The following MBP variants were observed in gnomAD, a reference collection of about 807,000 sequenced individuals.
MBP encodes myelin basic protein, also known as Golli-MBP.
Under a neutral mutation model 35.8 loss-of-function variants are expected in MBP, and 16 were observed. That is an observed-to-expected ratio of 0.45 (90% confidence interval 0.30 to 0.68). The LOEUF (loss-of-function observed/expected upper bound fraction) is 0.68. Among genes scored for constraint, MBP ranks in the 30% least tolerant of loss-of-function variants. The pLI, the probability that MBP is intolerant of heterozygous loss-of-function variation, is 0.08. For missense variants in MBP, 380 were observed against 404.7 expected (o/e 0.94, Z 0.52); for synonymous variants, 143 against 159.6 (o/e 0.90, Z 0.78).
At chr18:77,030,091 A>G (rs1972485311) in intron 3 of MBP, among the ~76,000 whole-genome samples, 1 of 152,156 alleles carries the variant, frequency 6.6e-6, no homozygotes, top group Non-Finnish European at 1.5e-5. Flanking sequence ...ATTAAAATAC[A>G]AGCAACTGGA....
chr18:77,074,336 G>C (rs1437940108), intron 2 of MBP, among the ~76,000 whole-genome samples: 3 of 151,328 alleles, frequency 2.0e-5, no homozygotes, highest in Non-Finnish European at 4.4e-5. Context: ...GGTTCAGTGA[G>C]CCCGGGTCTC....
At chr18:77,003,935 C>T (rs1038664950) in intron 4 of MBP, 8 of 152,230 alleles carry the variant, frequency 5.3e-5, no homozygotes, top group Admixed American at 2.6e-4. Context: ...TGGGAAACAG[C>T]AGACCCCCTG....
At chr18:76,990,933 A>G in intron 4 of MBP, 1 of 291,140 alleles carries the variant, frequency 3.4e-6, no homozygotes, top group Non-Finnish European at 7.1e-6. Context: ...GAACAAGCAA[A>G]TAGAGGGGAA....
At chr18:77,077,991 C>T (rs1375848401) in intron 2 of MBP, among the ~76,000 whole-genome samples, 2 of 152,218 alleles carry the variant, frequency 1.3e-5, no homozygotes, top group African/African-American at 4.8e-5. Context: ...AGCTGCACCC[C>T]CCTGCCCCGG....
intron 1 of MBP, among the ~76,000 whole-genome samples, chr18:77,130,041 T>C (rs1205084549): frequency 8.8e-6 from 1 of 113,500 alleles, no homozygotes; most frequent in Admixed American, 9.5e-5. Context: ...AGAGCAAGAC[T>C]CTGTCAAAAA....
intron 4 of MBP, among the ~76,000 whole-genome samples, chr18:77,007,864 T>G (rs543724669): frequency 6.6e-6 from 1 of 152,196 alleles, no homozygotes; most frequent in Non-Finnish European, 1.5e-5. Flanking sequence ...TTTAAAGGTA[T>G]ATGCAAAACC....
At chr18:77,077,344 T>G (rs1479410110) in intron 2 of MBP, among the ~76,000 whole-genome samples, 2 of 112,828 alleles carry the variant, frequency 1.8e-5, no homozygotes, top group East Asian at 4.9e-4. Flanking sequence ...GCAACAAGAG[T>G]GAGACTCCGT....
intron 3 of MBP, among the ~76,000 whole-genome samples, chr18:77,025,650 G>A (rs1428166522): frequency 6.8e-6 from 1 of 148,032 alleles, no homozygotes; most frequent in African/African-American, 2.5e-5. Context: ...ATCCATACCT[G>A]ACTGTCTCCA....
chr18:77,105,249 C>A lies in MBP; in HGVS notation c.13G>T (p.Ala5Ser), dbSNP rs149191307. 1.1e-5 allele frequency: 17 copies of A among 1,612,218 alleles called. No homozygotes were observed. The highest frequency in any genetic ancestry group is 3.3e-5 in the South Asian group (3 of 91,068). Reference protein sequence around the residue: MGNHAGKRELNAEKA... With the variant: MGNHSGKRELNAEKA... The stretch of plus-strand genomic sequence containing the variant: ...TCGGCATTTAATTCTCGTTTGCCTG[C>A]GTGGTTTCCCATCCTGAATGGATTG... Residue 5 changes from alanine to serine, a missense_variant, in exon 2 of 9, where the codon GCA (alanine) becomes TCA (serine). Physicochemically the swap from Ala to Ser is moderately conservative, Grantham distance 99. Transcript: ENST00000355994.
intron 4 of MBP, among the ~76,000 whole-genome samples, chr18:77,000,123 T>TA (rs903143695): frequency 5.4e-4 from 82 of 152,090 alleles, no homozygotes; most frequent in African/African-American, 1.9e-3. Context: ...GCTGAAGAAT[T>TA]AAAAAAAGAC....
chr18:77,080,739 A>G (rs1333817660), intron 2 of MBP, among the ~76,000 whole-genome samples: 2 of 152,118 alleles, frequency 1.3e-5, no homozygotes, highest in African/African-American at 2.4e-5. Flanking sequence ...GCTGGAGTGC[A>G]GTGGTACAAT....
At chr18:77,013,925 C>T (rs1362415107) in intron 4 of MBP, 3 of 985,282 alleles carry the variant, frequency 3.0e-6, no homozygotes, top group East Asian at 1.1e-4. Flanking sequence ...CAAGTGGCCT[C>T]AGATATGAGC....
At chr18:77,081,759 TATATATATAC>T (rs914428097) in intron 2 of MBP, among the ~76,000 whole-genome samples, 4 of 123,474 alleles carry the variant, frequency 3.2e-5, no homozygotes, top group African/African-American at 1.2e-4. Context: ...CATATATATA[TATATATATAC>T]ACACACACAC....
intron 4 of MBP, chr18:77,005,502 C>G (rs1173832471): frequency 6.6e-6 from 1 of 152,206 alleles, no homozygotes; most frequent in African/African-American, 2.4e-5. Context: ...ACGGGGGAGG[C>G]TCAGAGACGT....
chr18:77,009,688 G>A (rs535389896), intron 4 of MBP, among the ~76,000 whole-genome samples: 4 of 152,366 alleles, frequency 2.6e-5, no homozygotes, highest in African/African-American at 9.6e-5. Context: ...TTTTCCCTGG[G>A]GGAGGCCTGC....
intron 2 of MBP, among the ~76,000 whole-genome samples, chr18:77,068,476 C>T (rs1332930519): frequency 6.6e-6 from 1 of 152,206 alleles, no homozygotes; most frequent in Non-Finnish European, 1.5e-5. Flanking sequence ...GCATTTTGTT[C>T]TCTGTGTCTG....
intron 4 of MBP, among the ~76,000 whole-genome samples, chr18:76,999,022 A>T (rs965979241): frequency 7.3e-6 from 1 of 136,386 alleles, no homozygotes; most frequent in African/African-American, 2.8e-5. Context: ...TTGGGGGTTT[A>T]AGAGCAGTGT....
chr18:77,119,191 AC>A (rs915563326), intron 1 of MBP, among the ~76,000 whole-genome samples: 1 of 152,070 alleles, frequency 6.6e-6, no homozygotes, highest in African/African-American at 2.4e-5. Flanking sequence ...GGGCTTGGGG[AC>A]CTGGAAGCCT....
At chr18:76,997,687 CTT>C (rs60063911) in intron 4 of MBP, among the ~76,000 whole-genome samples, 1 of 146,918 alleles carries the variant, frequency 6.8e-6, no homozygotes, top group Non-Finnish European at 1.5e-5. Flanking sequence ...ATCTGAGCCA[CTT>C]TTTTTTTTTT....
Sources: gnomAD v4.1 joint callset for allele counts (sites outside exome capture counted in the v4.1 genomes callset) on GRCh38, gnomAD v4.1.1 for gene constraint, MANE v1.5 for transcripts, NCBI Gene and HGNC (gene_info 2026-07-23, HGNC 2026-07-21) for gene names.